The following CTNNA3 variants were observed in gnomAD, a reference collection of about 807,000 sequenced individuals.
The protein encoded by CTNNA3 is catenin alpha 3.
Under a neutral mutation model 95.7 loss-of-function variants are expected in CTNNA3, and 76 were observed. That is an observed-to-expected ratio of 0.79 (90% CI 0.66 to 0.96). CTNNA3 has a LOEUF of 0.96. CTNNA3 is among the 40% of genes least tolerant of loss of function. CTNNA3 has a pLI of 0.00. For missense variants in CTNNA3, 1,191 were observed against 1,089.8 expected (o/e 1.09, Z -1.31); for synonymous variants, 431 against 374.4 (o/e 1.15, Z -1.74).
intron 6 of CTNNA3, among the ~76,000 whole-genome samples, chr10:67,198,077 C>A (rs1003977060): frequency 1.2e-4 from 19 of 152,066 alleles, no homozygotes; most frequent in African/African-American, 4.6e-4. Context: ...AAGTAAGAAA[C>A]TGAATTTTTA....
intron 9 of CTNNA3, among the ~76,000 whole-genome samples, chr10:66,668,457 T>TGTGTGA (rs777242549): frequency 0.025 from 3,750 of 149,744 alleles, 145 homozygotes; most frequent in African/African-American, 0.088. Context: ...TGTGTGTGTG[T>TGTGTGA]GATACACATC....
At chr10:66,582,771 G>T (rs551929249) in intron 10 of CTNNA3, among the ~76,000 whole-genome samples, 1 of 151,772 alleles carries the variant, frequency 6.6e-6, no homozygotes, top group Admixed American at 6.6e-5. Context: ...GTTGGCTATG[G>T]GTTTGGAATA....
rs1271180387 is a variant in CTNNA3, at chr10:66,274,865, A to T, written c.1884+5605T>A. Among the ~76,000 whole-genome samples, 3 of 152,146 alleles carry T rather than the reference A, an allele frequency of 2.0e-5. No homozygotes were observed. In the East Asian group the frequency reaches 5.8e-4, roughly 29 times the overall value. On this transcript the variant is annotated intron_variant, in intron 13 of 17. Coordinates refer to ENST00000433211, the MANE Select transcript of CTNNA3 (RefSeq NM_013266.4). The stretch of plus-strand genomic sequence containing the variant: ...TTAATATTGAATCTCCAACTTCAGG[A>T]ATATGATCAATCCCTTCAGATATTT...
At chr10:66,232,928 C>A (rs1022563673) in intron 13 of CTNNA3, among the ~76,000 whole-genome samples, 1 of 151,940 alleles carries the variant, frequency 6.6e-6, no homozygotes, top group East Asian at 1.9e-4. Flanking sequence ...GAGGCCGAGG[C>A]GGGCGGCTCA....
chr10:66,873,253 T>C (rs1589363647), intron 7 of CTNNA3, among the ~76,000 whole-genome samples: 1 of 152,312 alleles, frequency 6.6e-6, no homozygotes, highest in East Asian at 1.9e-4. Flanking sequence ...TTTAAGTTCT[T>C]TAAGAAATCT....
chr10:67,076,420 A>G (rs950605580), intron 7 of CTNNA3, among the ~76,000 whole-genome samples: 10 of 152,348 alleles, frequency 6.6e-5, no homozygotes, highest in Admixed American at 6.5e-4. Context: ...CACCTGCATC[A>G]TAATCCACAA....
intron 7 of CTNNA3, among the ~76,000 whole-genome samples, chr10:66,990,423 G>C (rs1850980247): frequency 6.6e-6 from 1 of 152,090 alleles, no homozygotes; most frequent in Non-Finnish European, 1.5e-5. Context: ...ACCCATTATT[G>C]AACATATTTT....
intron 9 of CTNNA3, among the ~76,000 whole-genome samples, chr10:66,651,547 G>C (rs1845899340): frequency 6.6e-6 from 1 of 152,126 alleles, no homozygotes. Context: ...GGCCTTGCGT[G>C]GGGAGGGGGG....
intron 11 of CTNNA3, among the ~76,000 whole-genome samples, chr10:66,430,746 T>A (rs1041367560): frequency 4.1e-4 from 62 of 152,094 alleles, no homozygotes; most frequent in African/African-American, 1.5e-3. Flanking sequence ...TTATACAAAA[T>A]TTAATTCAAG....
intron 11 of CTNNA3, among the ~76,000 whole-genome samples, chr10:66,484,891 T>C (rs1839672054): frequency 6.6e-6 from 1 of 152,094 alleles, no homozygotes; most frequent in Admixed American, 6.6e-5. Flanking sequence ...TATGATAAAG[T>C]GGGGTTTATC....
At chr10:67,703,561 G>C (rs1177012449) in intron 1 of CTNNA3, among the ~76,000 whole-genome samples, 1 of 152,198 alleles carries the variant, frequency 6.6e-6, no homozygotes, top group African/African-American at 2.4e-5. Context: ...AAAGGCTTTT[G>C]ACAAAATTCA....
In CTNNA3 at chr10:66,961,447, C is replaced by G. The variant is rs557437306; in HGVS notation, c.1048-185923G>C. Among the ~76,000 whole-genome samples, 3 of 152,316 alleles carry G rather than the reference C, an allele frequency of 2.0e-5. No homozygotes were observed. The South Asian group carries it at 6.2e-4, about 32-fold the overall frequency. On this transcript the variant is annotated intron_variant, in intron 7 of 17. Coordinates refer to ENST00000433211, the MANE Select transcript of CTNNA3 (RefSeq NM_013266.4). ...CTTAACCTACCATCTTCATTACATTCAAGCATGCCACTCACTGGTGATTTT... is the reference window on the plus strand; with the variant it reads ...CTTAACCTACCATCTTCATTACATTGAAGCATGCCACTCACTGGTGATTTT...
At chr10:66,498,033 T>G (rs1840156532) in intron 11 of CTNNA3, among the ~76,000 whole-genome samples, 1 of 152,120 alleles carries the variant, frequency 6.6e-6, no homozygotes, top group South Asian at 2.1e-4. Flanking sequence ...TTTCCTGTAA[T>G]AAAATGTCAC....
intron 5 of CTNNA3, among the ~76,000 whole-genome samples, chr10:67,310,838 G>A (rs1250771630): frequency 6.6e-6 from 1 of 152,148 alleles, no homozygotes. Context: ...TGGGGATTAT[G>A]GAAACTATAA....
intron 7 of CTNNA3, among the ~76,000 whole-genome samples, chr10:66,910,325 T>C (rs1421118365): frequency 2.6e-5 from 4 of 152,174 alleles, no homozygotes; most frequent in Non-Finnish European, 4.4e-5. Flanking sequence ...TAAATAATCT[T>C]TGTATCAAGT....
At chr10:67,339,712 C>T (rs1187263243) in intron 5 of CTNNA3, among the ~76,000 whole-genome samples, 2 of 152,106 alleles carry the variant, frequency 1.3e-5, no homozygotes, top group Non-Finnish European at 2.9e-5. Context: ...AAAGAATACT[C>T]TTATGTTGAA....
chr10:66,621,493 G>A (rs141179032), intron 10 of CTNNA3, among the ~76,000 whole-genome samples, 199 bp downstream of exon 10: 7 of 151,002 alleles, frequency 4.6e-5, no homozygotes, highest in African/African-American at 1.5e-4. Flanking sequence ...GCATGGTGGC[G>A]CATGCCTGTA....
At chr10:65,925,481 G>A (rs1257851360) in intron 17 of CTNNA3, among the ~76,000 whole-genome samples, 1 of 152,038 alleles carries the variant, frequency 6.6e-6, no homozygotes, top group Non-Finnish European at 1.5e-5. Context: ...CTGTTGTCCA[G>A]ACTGGAGTGC....
At chr10:67,006,511 C>T (rs1851999035) in intron 7 of CTNNA3, among the ~76,000 whole-genome samples, 1 of 141,776 alleles carries the variant, frequency 7.1e-6, no homozygotes, top group Non-Finnish European at 1.6e-5. Flanking sequence ...TTAGCTTTTT[C>T]CTGGGACAAA....
Sources: gnomAD v4.1 joint callset for allele counts (sites outside exome capture counted in the v4.1 genomes callset) on GRCh38, gnomAD v4.1.1 for gene constraint, MANE v1.5 for transcripts, NCBI Gene and HGNC (gene_info 2026-07-23, HGNC 2026-07-21) for gene names.